Variants in EPB41 observed in about 807,000 individuals in gnomAD.
EPB41 encodes the protein erythrocyte membrane protein band 4.1.
A neutral mutation model predicts 108.0 loss-of-function variants in EPB41; 65 were observed. The observed-to-expected ratio is 0.60, with a 90% CI of 0.49 to 0.74. EPB41 has a LOEUF of 0.74. Ranked by LOEUF, EPB41 falls within the 30% of genes least tolerant of loss-of-function variation. EPB41 has a pLI of 0.00. For missense variants in EPB41, 875 were observed against 1,037.0 expected, an observed-to-expected ratio of 0.84 and a Z score of 2.15; for synonymous variants, 336 against 358.9, an observed-to-expected ratio of 0.94 and a Z score of 0.72.
intron 1 of EPB41, among the ~76,000 whole-genome samples, chr1:28,940,687 A>G (rs921561115): frequency 1.3e-5 from 2 of 152,152 alleles, no homozygotes; most frequent in African/African-American, 4.8e-5. Flanking sequence ...TTGGAAATCA[A>G]GTCTGTTGGG....
chr1:29,082,674 C>A (rs1290437499), intron 16 of EPB41, among the ~76,000 whole-genome samples: 1 of 152,134 alleles, frequency 6.6e-6, no homozygotes, highest in Admixed American at 6.5e-5. Flanking sequence ...CTTAGTATAA[C>A]CTTTAATATT....
rs915873851 is a variant in EPB41 at position 29,100,403 on chromosome 1, G to A, written c.2313+2468G>A. Reference sequence around the variant, plus strand: ...CTTGAATCTGGGAGGCGGAGGTTGCGGTTAGCCAAGATGGCGCCATTGCAC... The same window carrying A: ...CTTGAATCTGGGAGGCGGAGGTTGCAGTTAGCCAAGATGGCGCCATTGCAC... On this transcript the variant is annotated intron_variant, in intron 17 of 20. Coordinates refer to ENST00000343067, the MANE Select transcript of EPB41 (RefSeq NM_001376013.1). Among the ~76,000 whole-genome samples the A allele has an allele frequency of 1.6e-4, 23 of 146,292 alleles. No homozygotes were observed. In the East Asian group the frequency reaches 1.6e-3, roughly 10 times the overall value.
chr1:28,990,019 G>A (rs561662700), intron 2 of EPB41, among the ~76,000 whole-genome samples: 62 of 152,172 alleles, frequency 4.1e-4, no homozygotes, highest in African/African-American at 1.4e-3. Flanking sequence ...CACTCTAGGA[G>A]GCTGAGGCAG....
At chr1:29,008,045 T>C (rs1002022052) in intron 4 of EPB41, among the ~76,000 whole-genome samples, 5 of 152,194 alleles carry the variant, frequency 3.3e-5, no homozygotes, top group Non-Finnish European at 2.9e-5. Flanking sequence ...ATTTATTCAT[T>C]CAATTGTTGA....
rs78019344 is a variant in EPB41 at position 28,925,864 on chromosome 1, A to G, written c.-8+11096A>G. On this transcript the variant is annotated intron_variant, in intron 1 of 20. Coordinates refer to ENST00000343067, the MANE Select transcript of EPB41 (RefSeq NM_001376013.1). ...TTCTTGGGAGGATTTTGAGCAGAGG[A>G]ATGGCACGATCCTTCATTTAGTACA... Among the ~76,000 whole-genome samples the G allele has an allele frequency of 9.2e-5, 14 of 152,206 alleles. No homozygotes were observed. The East Asian group carries it at 2.7e-3, about 29-fold the overall frequency.
chr1:28,916,663 A>G (rs1168543267), intron 1 of EPB41, among the ~76,000 whole-genome samples: 1 of 152,204 alleles, frequency 6.6e-6, no homozygotes, highest in Non-Finnish European at 1.5e-5. Flanking sequence ...TGTTGAACAT[A>G]AGTTCAGAAT....
chr1:29,020,243 ATTT>A (rs2096627369), intron 7 of EPB41, among the ~76,000 whole-genome samples: 1 of 151,568 alleles, frequency 6.6e-6, no homozygotes, highest in African/African-American at 2.4e-5. Context: ...AATTTTTTGT[ATTT>A]TTAGTAGAGA....
In EPB41 at chr1:29,011,054, G is replaced by A. The variant is rs774607814; in HGVS notation, c.787-811G>A. On this transcript the variant is annotated intron_variant, in intron 4 of 20. Transcript: ENST00000343067. ...AATCACTTGAACCCGGGAGGCGGAG[G>A]TTGCAGTGGGCTGACATCGAGATTG... 2.4e-4 allele frequency among the ~76,000 whole-genome samples: 36 copies of A among 150,398 alleles called. 1 individual carries two copies. Among genetic ancestry groups the A allele is most frequent in the Admixed American group, 2.1e-3 (32 of 14,952 alleles).
chr1:28,940,129 C>A (rs912872702), intron 1 of EPB41, among the ~76,000 whole-genome samples: 2 of 152,106 alleles, frequency 1.3e-5, no homozygotes, highest in African/African-American at 4.8e-5. Context: ...TTGTTGGTAG[C>A]CAGCTTTGTA....
chr1:29,106,564 A>AATTTTTTT (rs1233211329), intron 17 of EPB41, among the ~76,000 whole-genome samples: 2 of 50,884 alleles, frequency 3.9e-5, no homozygotes, highest in Admixed American at 3.4e-4. Context: ...AGTAGCTGGG[A>AATTTTTTT]TTTTTTTTTT....
intron 16 of EPB41, among the ~76,000 whole-genome samples, chr1:29,093,779 C>T (rs940307291): frequency 1.3e-5 from 2 of 152,122 alleles, no homozygotes; most frequent in Non-Finnish European, 1.5e-5. Flanking sequence ...GTGGCACACA[C>T]CTGTAGTCTC....
chr1:28,968,151 G>A (rs989319200), intron 1 of EPB41, among the ~76,000 whole-genome samples: 9 of 151,992 alleles, frequency 5.9e-5, no homozygotes, highest in African/African-American at 2.2e-4. Flanking sequence ...GAGGTCAAGA[G>A]ATCGACACCA....
At chr1:29,044,018 A>G (rs1642427366) in intron 11 of EPB41, among the ~76,000 whole-genome samples, 2 of 152,224 alleles carry the variant, frequency 1.3e-5, no homozygotes, top group South Asian at 2.1e-4. Context: ...AGTTGGGGAT[A>G]TGGAAAATAA....
intron 5 of EPB41, 110 bp downstream of exon 5, chr1:29,012,017 A>G: frequency 8.5e-7 from 1 of 1,173,054 alleles, no homozygotes; most frequent in South Asian, 1.3e-5. Context: ...ACTACTGCAG[A>G]TTGCTTTGAA....
At chr1:29,051,605 T>A (rs1193271331) in intron 11 of EPB41, among the ~76,000 whole-genome samples, 1 of 152,092 alleles carries the variant, frequency 6.6e-6, no homozygotes, top group Non-Finnish European at 1.5e-5. Context: ...GATTAAAATA[T>A]AAGAGTCTTG....
rs1233211329 is a variant in EPB41, at chr1:29,106,564, A to AATTTTTTTTTTTTTTTTTTTTTTTT, written c.2314-2772_2314-2771insATTTTTTTTTTTTTTTTTTTTTTTT. On this transcript the variant is annotated intron_variant, in intron 17 of 20. Transcript: ENST00000343067. ...CCTCTCAGCCTCCCGAGTAGCTGGG[A>AATTTTTTTTTTTTTTTTTTTTTTTT]TTTTTTTTTTTTTTTTTTTTTTTTT... Among the ~76,000 whole-genome samples, 3 of 50,882 alleles carry AATTTTTTTTTTTTTTTTTTTTTTTT rather than the reference A, an allele frequency of 5.9e-5. 1 individual carries two copies. Among genetic ancestry groups the AATTTTTTTTTTTTTTTTTTTTTTTT allele is most frequent in the Non-Finnish European group, 6.6e-5 (2 of 30,500 alleles). The allele number at this position is 50,882 out of a possible 152,430, so 33.4% of individuals were successfully genotyped here.
At chr1:28,964,397 A>G (rs1439838226) in intron 1 of EPB41, among the ~76,000 whole-genome samples, 1 of 151,688 alleles carries the variant, frequency 6.6e-6, no homozygotes, top group East Asian at 1.9e-4. Context: ...AGCTGAGATC[A>G]TGCCACTGCA....
chr1:28,978,973 C>T (rs1293891159), intron 1 of EPB41, among the ~76,000 whole-genome samples: 2 of 151,406 alleles, frequency 1.3e-5, no homozygotes, highest in African/African-American at 4.9e-5. Context: ...TCAGCCACCA[C>T]AATCATGTGA....
Position 28,947,405 on chromosome 1 carries a change from TCAGACAAACAAA to T in EPB41, c.-8+32640_-8+32651del, listed in dbSNP as rs1175610654. On this transcript the variant is annotated intron_variant, in intron 1 of 20. Coordinates refer to ENST00000343067, the MANE Select transcript of EPB41 (RefSeq NM_001376013.1). ...TCTGGCGACGGAGCGAGACTCCGTC[TCAGACAAACAAA>T]CAAACAAACAAACAAACAAACAAAC... Among the ~76,000 whole-genome samples the T allele has an allele frequency of 1.0e-3, 117 of 114,564 alleles. 1 individual carries two copies. Among genetic ancestry groups the T allele is most frequent in the African/African-American group, 3.9e-3 (111 of 28,758 alleles). The allele number at this position is 114,564 out of a possible 152,430, so 75.2% of individuals were successfully genotyped here. A position where few individuals can be genotyped will look rare whatever the true frequency, so the allele number is the denominator to read the frequency against.
Sources: gnomAD v4.1 joint callset for allele counts (sites outside exome capture counted in the v4.1 genomes callset) on GRCh38, gnomAD v4.1.1 for gene constraint, MANE v1.5 for transcripts, NCBI Gene and HGNC (gene_info 2026-07-23, HGNC 2026-07-21) for gene names.